Variants in ADAMTS12 observed in about 807,000 individuals in gnomAD.
ADAMTS12 encodes A disintegrin and metalloproteinase with thrombospondin motifs 12.
A neutral mutation model predicts 167.8 loss-of-function variants in ADAMTS12; 118 were observed. That is an observed-to-expected ratio of 0.70 (90% CI 0.61 to 0.82). The LOEUF is 0.82. Among genes scored for constraint, ADAMTS12 ranks in the 40% least tolerant of loss-of-function variants. The pLI is 0.00. For missense variants in ADAMTS12, 1,916 were observed against 1,998.8 expected, an observed-to-expected ratio of 0.96 and a Z score of 0.79; for synonymous variants, 704 against 716.9, an observed-to-expected ratio of 0.98 and a Z score of 0.29.
In ADAMTS12 at chr5:33,552,752, T is replaced by C. The variant is rs545190758; in HGVS notation, c.4126-3369A>G. On this transcript the variant is annotated intron_variant, in intron 20 of 23. Coordinates refer to ENST00000504830, the MANE Select transcript of ADAMTS12 (RefSeq NM_030955.4). ...ATGTGTCTGTTTTTTACCAGTACCATGCTGTTTTGGTTACTGTAGCCCTGT... is the reference window on the plus strand; with the variant it reads ...ATGTGTCTGTTTTTTACCAGTACCACGCTGTTTTGGTTACTGTAGCCCTGT... 5.9e-5 allele frequency among the ~76,000 whole-genome samples: 9 copies of C among 152,362 alleles called. No homozygotes were observed. The East Asian group carries it at 1.5e-3, about 26-fold the overall frequency.
intron 23 of ADAMTS12, among the ~76,000 whole-genome samples, chr5:33,532,282 C>T (rs1217363133): frequency 1.3e-5 from 2 of 152,058 alleles, no homozygotes; most frequent in Non-Finnish European, 2.9e-5. Context: ...TTCTTGAGGC[C>T]AAGAACTGTA....
intron 9 of ADAMTS12, among the ~76,000 whole-genome samples, chr5:33,645,012 A>G (rs191218524): frequency 3.2e-4 from 49 of 152,110 alleles, no homozygotes; most frequent in Admixed American, 5.2e-4. Context: ...TTACAGGCGT[A>G]AGCCACCGTA....
intron 2 of ADAMTS12, among the ~76,000 whole-genome samples, chr5:33,859,169 T>A (rs904321346): frequency 6.6e-6 from 1 of 152,180 alleles, no homozygotes; most frequent in Non-Finnish European, 1.5e-5. Context: ...ACTGTTCACT[T>A]CCCTGGAAAG....
At chr5:33,872,316 C>A (rs760538086) in intron 2 of ADAMTS12, among the ~76,000 whole-genome samples, 5 of 152,022 alleles carry the variant, frequency 3.3e-5, no homozygotes, top group Non-Finnish European at 7.4e-5. Context: ...GAGGCCAAGG[C>A]AGGTGGATCA....
chr5:33,852,109 C>T (rs558022494), intron 2 of ADAMTS12, among the ~76,000 whole-genome samples: 6 of 152,166 alleles, frequency 3.9e-5, no homozygotes, highest in Admixed American at 2.0e-4. Flanking sequence ...ACAACAACAA[C>T]AACAACAAAA....
intron 14 of ADAMTS12, among the ~76,000 whole-genome samples, chr5:33,619,212 C>T (rs1739183437): frequency 6.6e-6 from 1 of 152,142 alleles, no homozygotes; most frequent in Non-Finnish European, 1.5e-5. Flanking sequence ...TTGTCCAGGC[C>T]TTCTCCTTGT....
chr5:33,821,224 T>A (rs1747856759), intron 2 of ADAMTS12, among the ~76,000 whole-genome samples: 1 of 152,204 alleles, frequency 6.6e-6, no homozygotes, highest in African/African-American at 2.4e-5. Flanking sequence ...ATATCTATAA[T>A]CATTATAATG....
intron 22 of ADAMTS12, among the ~76,000 whole-genome samples, chr5:33,541,850 G>A (rs1387338921): frequency 6.6e-6 from 1 of 152,124 alleles, no homozygotes; most frequent in Admixed American, 6.5e-5. Flanking sequence ...ACTAAACATG[G>A]AAAGCAACAA....
chr5:33,788,670 G>T (rs937414658), intron 2 of ADAMTS12, among the ~76,000 whole-genome samples: 3 of 152,148 alleles, frequency 2.0e-5, no homozygotes, highest in Non-Finnish European at 2.9e-5. Context: ...GTCATGAAAG[G>T]ATCCTTGGAT....
intron 5 of ADAMTS12, among the ~76,000 whole-genome samples, chr5:33,677,516 TCCCTAA>T (rs1470902305): frequency 6.6e-6 from 1 of 152,094 alleles, no homozygotes; most frequent in Non-Finnish European, 1.5e-5. Context: ...TCTAATCCCA[TCCCTAA>T]CCCCCGACCC....
rs574568610 is a variant in ADAMTS12 at position 33,623,520 on chromosome 5, T to G, written c.2143+711A>C. 3.5e-4 allele frequency among the ~76,000 whole-genome samples: 54 copies of G among 152,246 alleles called. 1 individual carries two copies. Among genetic ancestry groups the G allele is most frequent in the African/African-American group, 1.3e-3 (54 of 41,550 alleles). On this transcript the variant is annotated intron_variant, in intron 14 of 23. Transcript: ENST00000504830. Reference sequence around the variant, plus strand: ...CTTCCTTGGGGTCCACCCTTGAAGGTGAACTCTTCATGCCCTGAGGACTAT... The same window carrying G: ...CTTCCTTGGGGTCCACCCTTGAAGGGGAACTCTTCATGCCCTGAGGACTAT...
chr5:33,591,831 G>T (rs988497818), intron 17 of ADAMTS12, among the ~76,000 whole-genome samples: 2 of 152,122 alleles, frequency 1.3e-5, no homozygotes, highest in African/African-American at 4.8e-5. Flanking sequence ...ACAGGGAAAG[G>T]GGGGTGGGTT....
intron 13 of ADAMTS12, among the ~76,000 whole-genome samples, chr5:33,627,151 C>T (rs1210848842): frequency 1.2e-5 from 1 of 84,382 alleles, no homozygotes; most frequent in Non-Finnish European, 2.4e-5. Flanking sequence ...TGGTGGTGGT[C>T]GTGGTGACTA....
chr5:33,789,212 G>A (rs1383967704), intron 2 of ADAMTS12, among the ~76,000 whole-genome samples: 5 of 152,168 alleles, frequency 3.3e-5, no homozygotes, highest in Non-Finnish European at 5.9e-5. Context: ...AGAGCCTGAC[G>A]GCTGCTGTGT....
chr5:33,572,815 G>C (rs1449948527), intron 19 of ADAMTS12, among the ~76,000 whole-genome samples: 1 of 142,916 alleles, frequency 7.0e-6, no homozygotes, highest in Non-Finnish European at 1.5e-5. Flanking sequence ...AATTGTCCCT[G>C]TTTGCAGACG....
At chr5:33,736,057 G>GTT (rs201311408) in intron 3 of ADAMTS12, among the ~76,000 whole-genome samples, 10 of 142,250 alleles carry the variant, frequency 7.0e-5, no homozygotes, top group African/African-American at 1.5e-4. Context: ...TTTTTTTGCT[G>GTT]TTTTTTTTTT....
chr5:33,849,017 T>C (rs1332538609), intron 2 of ADAMTS12, among the ~76,000 whole-genome samples: 2 of 149,908 alleles, frequency 1.3e-5, no homozygotes, highest in Admixed American at 1.3e-4. Flanking sequence ...TATATATATA[T>C]GTATTGCATA....
rs78731958 is a variant in ADAMTS12 at position 33,800,236 on chromosome 5, T to C, written c.490-48688A>G. Among the ~76,000 whole-genome samples, 630 of 152,332 alleles carry C rather than the reference T, an allele frequency of 4.1e-3. 1 individual carries two copies. Among genetic ancestry groups the C allele is most frequent in the African/African-American group, 0.015 (611 of 41,562 alleles). ...TGGAGATGTTAAGTTCAAGGCACCA[T>C]ACCAGTGTCGCAGGATTGCAGAAGG... On this transcript the variant is annotated intron_variant, in intron 2 of 23. Transcript: ENST00000504830.
intron 19 of ADAMTS12, among the ~76,000 whole-genome samples, chr5:33,575,407 T>C (rs1746640995): frequency 1.3e-5 from 2 of 152,184 alleles, no homozygotes; most frequent in South Asian, 4.1e-4. Flanking sequence ...TAATCTACAC[T>C]TGCCTTATCA....
Sources: allele counts gnomAD v4.1 joint callset (sites outside exome capture counted in the v4.1 genomes callset), GRCh38; gene constraint gnomAD v4.1.1; transcripts MANE v1.5; gene names NCBI Gene and HGNC (gene_info 2026-07-23, HGNC 2026-07-21).